Variants in RBSN observed in about 807,000 individuals in gnomAD.
The protein encoded by RBSN is rabenosyn, RAB effector, also known as rabenosyn-5.
Under a neutral mutation model 60.5 loss-of-function variants are expected in RBSN, and 34 were observed. That is an observed-to-expected ratio of 0.56 (90% confidence interval 0.43 to 0.75). The LOEUF (loss-of-function observed/expected upper bound fraction) is 0.75, where lower values mean the gene tolerates loss of function less well. RBSN is among the 30% of genes least tolerant of loss of function. The probability of loss-of-function intolerance (pLI) is 0.00; values close to 1 mark genes in which losing one functional copy is unlikely to be tolerated. For synonymous variants in RBSN, 322 were observed against 366.9 expected (o/e 0.88, Z 1.40); for missense variants, 845 against 986.8 (o/e 0.86, Z 1.92).
rs9875935 is a variant in RBSN, at chr3:15,084,076, T to C, written c.598+659A>G. On this transcript the variant is annotated intron_variant, in intron 8 of 13. Coordinates refer to ENST00000253699, the MANE Select transcript of RBSN (RefSeq NM_022340.4). The surrounding 1 kb of genome is among the most constrained non-coding windows in gnomAD (Gnocchi z 4.2). ...GTCCAGCCTCCAGGCTGTTTCTATATGGCTCTCAAACTAAGTATAATTTTC... is the reference window on the plus strand; with the variant it reads ...GTCCAGCCTCCAGGCTGTTTCTATACGGCTCTCAAACTAAGTATAATTTTC... Among the ~76,000 whole-genome samples, 8,051 of 152,334 alleles carry C rather than the reference T, an allele frequency of 0.053. 256 individuals carry two copies. The highest frequency in any genetic ancestry group is 0.13 in the East Asian group (656 of 5,194).
At chr3:15,092,856 T>A (rs1575107982) in intron 4 of RBSN, among the ~76,000 whole-genome samples, 1 of 152,294 alleles carries the variant, frequency 6.6e-6, no homozygotes, top group Non-Finnish European at 1.5e-5. Context: ...ATCTATACCA[T>A]TTAACCACTT....
rs2043447184 is a variant in RBSN, at chr3:15,089,479, A to AAAAAAAAAAAAAAC, written c.289+919_289+920insGTTTTTTTTTTTTT. On this transcript the variant is annotated intron_variant, in intron 5 of 13. Transcript: ENST00000253699. ...TCCAAAAAAAAAAAAAAAAAAAAAC[A>AAAAAAAAAAAAAAC]AAAAAAAAAAACAGATATGTAAGAT... 1.7e-4 allele frequency among the ~76,000 whole-genome samples: 18 copies of AAAAAAAAAAAAAAC among 104,038 alleles called. 1 individual carries two copies. The highest frequency in any genetic ancestry group is 2.5e-4 in the Non-Finnish European group (15 of 59,328). The allele number at this position is 104,038 out of a possible 152,430, so 68.3% of individuals were successfully genotyped here.
chr3:15,085,960 A>T lies in RBSN; in HGVS notation c.291T>A (p.Gly97=), dbSNP rs1257983508. Residue 97 remains glycine, a splice_region_variant and synonymous_variant, in exon 6 of 14, where the codon GGT becomes GGA. Transcript: ENST00000253699. ...DPYMWEPQEL[G]AVRSHLSDFK... ...AGTCGGAAAGATGGCTTCTCACAGC[A>T]CCTAGAGGGAAGGAAGGTAGGGAGA... 6.2e-7 allele frequency: 1 copy of T among 1,613,434 alleles called. No homozygotes were observed. Among genetic ancestry groups the T allele is most frequent in the African/African-American group, 1.3e-5 (1 of 74,830 alleles).
chr3:15,087,896 C>T (rs763998545), intron 5 of RBSN, among the ~76,000 whole-genome samples: 6 of 152,206 alleles, frequency 3.9e-5, no homozygotes, highest in Admixed American at 1.3e-4. Context: ...GCTGGGTTTA[C>T]AGGTGAGCCA....
In RBSN at chr3:15,084,590, T is replaced by A; in HGVS notation, c.598+145A>T. 1 of 1,146,010 alleles carries A rather than the reference T, an allele frequency of 8.7e-7. No individual in the cohort carries two copies. The highest frequency in any genetic ancestry group is 1.6e-5 in the South Asian group (1 of 61,576). 71.0% of individuals were successfully genotyped at this position (1,146,010 alleles called of 1,614,324 possible). A position where few individuals can be genotyped will look rare whatever the true frequency, so the allele number is the denominator to read the frequency against. On this transcript the variant is annotated intron_variant, in intron 8 of 13. Coordinates refer to ENST00000253699, the MANE Select transcript of RBSN (RefSeq NM_022340.4). This position sits in a 1 kb window ranked among gnomAD's most constrained non-coding sequence, Gnocchi z 4.2. The stretch of plus-strand genomic sequence containing the variant: ...AGCATAGTACCTAGTCTGTAGTGGG[T>A]TTCACAGAAACAGCAACTCAATGAA...
Position 15,074,880 on chromosome 3 carries a change from A to G in RBSN, c.1257T>C (p.Ala419=). 1.2e-6 allele frequency: 2 copies of G among 1,613,914 alleles called. No individual in the cohort carries two copies. Among genetic ancestry groups the G allele is most frequent in the Non-Finnish European group, 1.7e-6 (2 of 1,179,952 alleles). Residue 419 remains alanine (A), a synonymous_variant, in exon 14 of 14, where the codon GCT becomes GCC. Transcript: ENST00000253699. This position sits in a 1 kb window ranked among gnomAD's most constrained non-coding sequence, Gnocchi z 6.4. The part of the protein sequence containing the change: ...RRLEERQSGL[A]SRAANGEVAS... Reference sequence around the variant, plus strand: ...CCACCTCCCCGTTGGCCGCTCGAGAAGCCAGGCCACTCTGCCTTTCCTCAA... The same window carrying G: ...CCACCTCCCCGTTGGCCGCTCGAGAGGCCAGGCCACTCTGCCTTTCCTCAA...
At chr3:15,079,537 C>A (rs896473242) in intron 10 of RBSN, among the ~76,000 whole-genome samples, 3 of 152,158 alleles carry the variant, frequency 2.0e-5, no homozygotes, top group Non-Finnish European at 4.4e-5. Context: ...GTGGAAAAAA[C>A]CCAAATGTTC....
intron 4 of RBSN, among the ~76,000 whole-genome samples, chr3:15,092,573 T>C (rs557173732): frequency 6.6e-6 from 1 of 152,282 alleles, no homozygotes; most frequent in East Asian, 1.9e-4. Context: ...CACACCCAGC[T>C]AATTTTTGTA....
Position 15,070,856 on chromosome 3 carries a change from CTT to C in RBSN, c.*2924_*2925del, listed in dbSNP as rs2042912446. ...GTTTTTTGTGAGACGGAGTCTTGCT[CTT>C]GTCACCCAGGTTGGAGTGCAGTGGC... On this transcript the variant is annotated 3_prime_UTR_variant, in exon 14 of 14. Coordinates refer to ENST00000253699, the MANE Select transcript of RBSN (RefSeq NM_022340.4). 1 of 152,676 alleles carries C rather than the reference CTT, an allele frequency of 6.5e-6. No individual in the cohort carries two copies. Among genetic ancestry groups the C allele is most frequent in the Admixed American group, 6.5e-5 (1 of 15,284 alleles). The allele number at this position is 152,676 out of a possible 1,614,324, so 9.5% of individuals were successfully genotyped here.
rs956216565 is a variant in RBSN, at chr3:15,070,670, G to C, written c.*3112C>G. On this transcript the variant is annotated 3_prime_UTR_variant, in exon 14 of 14. Transcript: ENST00000253699. ...ATGAATTCTGCGACATGGTACAGCT[G>C]ATGGGTAGAGAATTCTAACTCCTGT... 2 of 152,644 alleles carry C rather than the reference G, an allele frequency of 1.3e-5. No individual in the cohort carries two copies. Among genetic ancestry groups the C allele is most frequent in the African/African-American group, 4.8e-5 (2 of 41,450 alleles). 9.5% of individuals were successfully genotyped at this position (152,644 alleles called of 1,614,324 possible).
chr3:15,081,010 A>G, intron 9 of RBSN: 1 of 540,246 alleles, frequency 1.9e-6, no homozygotes, highest in Non-Finnish European at 3.3e-6. Context: ...TTCTGATCAG[A>G]TGTTTCGTTT....
chr3:15,097,714 T>C (rs527749343), intron 2 of RBSN, among the ~76,000 whole-genome samples: 2 of 151,944 alleles, frequency 1.3e-5, no homozygotes, highest in Admixed American at 1.3e-4. Flanking sequence ...CCCAAGAACC[T>C]GGGGATACAA....
At chr3:15,079,530 GA>G (rs1036297740) in intron 10 of RBSN, among the ~76,000 whole-genome samples, 5 of 152,076 alleles carry the variant, frequency 3.3e-5, no homozygotes, top group African/African-American at 1.2e-4. Context: ...GCCAAAAGTG[GA>G]AAAAACCCAA....
Position 15,073,986 on chromosome 3 carries a change from G to C in RBSN, c.2151C>G (p.Ile717Met). 1 of 1,614,076 alleles carries C rather than the reference G, an allele frequency of 6.2e-7. No homozygotes were observed. The highest frequency in any genetic ancestry group is 2.2e-5 in the East Asian group (1 of 44,880). Residue 717 changes from isoleucine (I) to methionine (M), a missense_variant, in exon 14 of 14, where the codon ATC becomes ATG. By Grantham distance (10) the Ile-to-Met change is conservative. Coordinates refer to ENST00000253699, the MANE Select transcript of RBSN (RefSeq NM_022340.4). ...TGTCACTGTCCATCTCAAAGGGGTT[G>C]ATACAGGTGGGTTCCTCAAAGGGGT... Reference protein sequence around the residue: ...PGNPFEEPTCINPFEMDSDSG... With the variant: ...PGNPFEEPTCMNPFEMDSDSG...
In RBSN at chr3:15,073,494, T is replaced by C; in HGVS notation, c.*288A>G. The C allele has an allele frequency of 2.7e-6, 1 of 372,132 alleles. No individual in the cohort carries two copies. The allele number at this position is 372,132 out of a possible 1,614,324, so 23.1% of individuals were successfully genotyped here. A position where few individuals can be genotyped will look rare whatever the true frequency, so the allele number is the denominator to read the frequency against. On this transcript the variant is annotated 3_prime_UTR_variant, in exon 14 of 14. Transcript: ENST00000253699. ...TAGTTATATCTCGGTAGTAAAAATG[T>C]AAAGTCCCTTCAAAAGGGGTAAACC... is the stretch of plus-strand genomic sequence containing the variant.
chr3:15,075,051 G>A (rs1248462238), intron 13 of RBSN, 121 bp from the exon 14 acceptor site: 1 of 1,198,610 alleles, frequency 8.3e-7, no homozygotes. Context: ...TCTCACCTCA[G>A]GACAAAGATA....
chr3:15,074,150 G>T lies in RBSN; in HGVS notation c.1987C>A (p.Pro663Thr). The T allele has an allele frequency of 2.5e-6, 4 of 1,614,072 alleles. No individual in the cohort carries two copies. The highest frequency in any genetic ancestry group is 3.4e-6 in the Non-Finnish European group (4 of 1,179,976). The change falls in exon 14 of 14, where the codon CCT becomes ACT. Residue 663 changes from proline to threonine, a missense_variant. By Grantham distance (38) the Pro-to-Thr change is conservative (BLOSUM62 -1). Transcript: ENST00000253699. This position sits in a 1 kb window ranked among gnomAD's most constrained non-coding sequence, Gnocchi z 6.4. ...PSARILKEYN[P>T]FEEEDEEEEA... ...TCCTCCTCGTCCTCTTCCTCGAAAGGATTGTACTCTTTCAGGATGCGGGCT... is the reference window on the plus strand; with the variant it reads ...TCCTCCTCGTCCTCTTCCTCGAAAGTATTGTACTCTTTCAGGATGCGGGCT...
rs2043754779 is a variant in RBSN, at chr3:15,099,126, T to C, written c.-592A>G. ...GTCCGTCACTCAGCCGCAGCCGCCA[T>C]CTCCATCGGTCGCTCGGAACTCGGC... is the stretch of plus-strand genomic sequence containing the variant. On this transcript the variant is annotated 5_prime_UTR_variant, in exon 1 of 14. An upstream start codon of the reference 5' UTR is lost. Transcript: ENST00000253699. The C allele has an allele frequency of 6.6e-6, 1 of 152,146 alleles. No homozygotes were observed. 9.4% of individuals were successfully genotyped at this position (152,146 alleles called of 1,614,324 possible). A position where few individuals can be genotyped will look rare whatever the true frequency, so the allele number is the denominator to read the frequency against.
At chr3:15,090,574 T>C (rs918717055) in intron 4 of RBSN, 35 bp from the exon 5 acceptor site, 6 of 1,606,962 alleles carry the variant, frequency 3.7e-6, no homozygotes, top group South Asian at 2.2e-5. Context: ...AAATGAGCCA[T>C]GAAGAACACC....
Sources: allele counts gnomAD v4.1 joint callset (sites outside exome capture counted in the v4.1 genomes callset), GRCh38; gene constraint gnomAD v4.1.1; non-coding constraint Gnocchi (gnomAD v3.1); transcripts MANE v1.5; gene names NCBI Gene and HGNC (gene_info 2026-07-23, HGNC 2026-07-21).